Variants in DCPS observed in about 807,000 individuals in gnomAD.
The protein encoded by DCPS is decapping enzyme, scavenger.
Under a neutral mutation model 34.7 loss-of-function variants are expected in DCPS, and 27 were observed. The observed-to-expected ratio is 0.78, with a 90% CI of 0.57 to 1.07. The LOEUF (loss-of-function observed/expected upper bound fraction) is 1.07, where lower values mean the gene tolerates loss of function less well. DCPS is among the 50% of genes least tolerant of loss of function. The pLI, the probability that DCPS is intolerant of heterozygous loss-of-function variation, is 0.00. For missense variants in DCPS, 464 were observed against 436.9 expected (o/e 1.06, Z -0.55); for synonymous variants, 185 against 185.7 (o/e 1.00, Z 0.03).
At chr11:126,306,425 T>G in intron 1 of DCPS, 145 bp from the exon 2 acceptor site, 1 of 803,804 alleles carries the variant, frequency 1.2e-6, no homozygotes, top group Non-Finnish European at 1.8e-6. Context: ...GTGAGTGCCA[T>G]TGGCTAGACT....
Position 126,316,234 on chromosome 11 carries a change from T to A in DCPS, c.376+9490T>A, listed in dbSNP as rs561223772. On this transcript the variant is annotated intron_variant, in intron 2 of 5. Coordinates refer to ENST00000263579, the MANE Select transcript of DCPS (RefSeq NM_014026.6). ...TTATCCAGTGTGATAATCCATTACA[T>A]CAAGCTTGTCCAACCCGCAGCCCAG... Among the ~76,000 whole-genome samples the A allele has an allele frequency of 4.6e-5, 7 of 152,204 alleles. No individual in the cohort carries two copies. In the East Asian group the frequency reaches 7.7e-4, roughly 17 times the overall value.
In DCPS at chr11:126,344,280, T is replaced by C. The variant is rs1951900000; in HGVS notation, c.747+863T>C. ...CCCTGCTGCTGGGCCCCGATCTATC[T>C]TCCCTCCTGCTCACCCACGGCACCA... On this transcript the variant is annotated intron_variant, in intron 5 of 5. Transcript: ENST00000263579. The surrounding 1 kb of genome is among the most constrained non-coding windows in gnomAD (Gnocchi z 8.1). Among the ~76,000 whole-genome samples, 1 of 152,192 alleles carries C rather than the reference T, an allele frequency of 6.6e-6. No individual in the cohort carries two copies. The highest frequency in any genetic ancestry group is 2.1e-4 in the South Asian group (1 of 4,836).
chr11:126,317,653 C>T (rs1951672387), intron 2 of DCPS, among the ~76,000 whole-genome samples: 1 of 152,212 alleles, frequency 6.6e-6, no homozygotes, highest in African/African-American at 2.4e-5. Flanking sequence ...ACCCGTGCCC[C>T]TTTCAGAGTG....
Position 126,332,256 on chromosome 11 carries a change from G to A in DCPS, c.522+706G>A, listed in dbSNP as rs893181468. Among the ~76,000 whole-genome samples, 21 of 152,330 alleles carry A rather than the reference G, an allele frequency of 1.4e-4. No individual in the cohort carries two copies. The highest frequency in any genetic ancestry group is 4.1e-4 in the African/African-American group (17 of 41,576). On this transcript the variant is annotated intron_variant, in intron 3 of 5. Coordinates refer to ENST00000263579, the MANE Select transcript of DCPS (RefSeq NM_014026.6). The surrounding 1 kb of genome is among the most constrained non-coding windows in gnomAD (Gnocchi z 5.4). ...GGACTCCATTCACAAGCTGGCAGTC[G>A]TCTGGCCAGGCCAGATGCAAGGCCA...
chr11:126,308,055 G>A (rs1186063094), intron 2 of DCPS, among the ~76,000 whole-genome samples: 2 of 152,180 alleles, frequency 1.3e-5, no homozygotes, highest in Non-Finnish European at 2.9e-5. Flanking sequence ...AGGGGGATGG[G>A]AGAGAAGGGC....
rs913430155 is a variant in DCPS, at chr11:126,331,705, G to A, written c.522+155G>A. On this transcript the variant is annotated intron_variant, in intron 3 of 5. Transcript: ENST00000263579. The surrounding 1 kb of genome is among the most constrained non-coding windows in gnomAD (Gnocchi z 7.2). ...GCATGGCGGACAGAATCCCCACCTC[G>A]TGCAGCTTACATCCCATGCACAGTC... Among the ~76,000 whole-genome samples, 2 of 152,264 alleles carry A rather than the reference G, an allele frequency of 1.3e-5. No homozygotes were observed. Among genetic ancestry groups the A allele is most frequent in the Admixed American group, 1.3e-4 (2 of 15,288 alleles).
chr11:126,316,957 C>CTT lies in DCPS; in HGVS notation c.376+10231_376+10232dup, dbSNP rs71048779. 7.5e-4 allele frequency among the ~76,000 whole-genome samples: 70 copies of CTT among 93,190 alleles called. 1 individual carries two copies. The highest frequency in any genetic ancestry group is 0.011 in the Middle Eastern group (1 of 92). 61.1% of individuals were successfully genotyped at this position (93,190 alleles called of 152,430 possible). ...AGGTGTGACCCACCATGCCCGGCCT[C>CTT]TTTTTTTTTTTTTTTTTTTGAGATG... is the stretch of plus-strand genomic sequence containing the variant. On this transcript the variant is annotated intron_variant, in intron 2 of 5. Transcript: ENST00000263579.
rs1411455945 is a variant in DCPS at position 126,331,656 on chromosome 11, G to A, written c.522+106G>A. ...TTAGGGGCCAGGCGCTGTGCTGGGCGAGGGGATGGGGGTACAGTAGAGAGC... is the reference window on the plus strand; with the variant it reads ...TTAGGGGCCAGGCGCTGTGCTGGGCAAGGGGATGGGGGTACAGTAGAGAGC... On this transcript the variant is annotated intron_variant, in intron 3 of 5. Coordinates refer to ENST00000263579, the MANE Select transcript of DCPS (RefSeq NM_014026.6). This position sits in a 1 kb window ranked among gnomAD's most constrained non-coding sequence, Gnocchi z 7.2. 15 of 1,399,536 alleles carry A rather than the reference G, an allele frequency of 1.1e-5. No homozygotes were observed. The highest frequency in any genetic ancestry group is 2.7e-5 in the South Asian group (2 of 75,368). The allele number at this position is 1,399,536 out of a possible 1,614,324, so 86.7% of individuals were successfully genotyped here.
rs772776014 is a variant in DCPS, at chr11:126,338,304, G to A, written c.541G>A (p.Asp181Asn). The A allele has an allele frequency of 5.8e-5, 93 of 1,614,008 alleles. No individual in the cohort carries two copies. The highest frequency in any genetic ancestry group is 7.3e-5 in the Non-Finnish European group (86 of 1,180,038). The part of the protein sequence containing the change: ...LSIQWVYNIL[D>N]KKAEADRIVF... ...CTTTCAGTGGGTGTATAACATTCTC[G>A]ACAAGAAGGCTGAAGCGGACCGGAT... Residue 181 changes from aspartate (D) to asparagine (N), a missense_variant, in exon 4 of 6, where the codon GAC (aspartate) becomes AAC (asparagine). Asp to Asn is a conservative substitution (Grantham distance 23). Coordinates refer to ENST00000263579, the MANE Select transcript of DCPS (RefSeq NM_014026.6). This position sits in a 1 kb window ranked among gnomAD's most constrained non-coding sequence, Gnocchi z 5.4.
chr11:126,348,643 C>T lies in DCPS; in HGVS notation c.*3030C>T, dbSNP rs568714705. Among the ~76,000 whole-genome samples the T allele has an allele frequency of 6.6e-6, 1 of 152,322 alleles. No homozygotes were observed. The highest frequency in any genetic ancestry group is 1.9e-4 in the East Asian group (1 of 5,182). ...ATTAGGGTGACCTTCATATCAGACT[C>T]CCAGGTAACTCAAGATGATAGCTTT... On this transcript the variant is annotated 3_prime_UTR_variant, in exon 6 of 6. Coordinates refer to ENST00000263579, the MANE Select transcript of DCPS (RefSeq NM_014026.6). This position sits in a 1 kb window ranked among gnomAD's most constrained non-coding sequence, Gnocchi z 5.3.
Position 126,332,982 on chromosome 11 carries a change from C to G in DCPS, c.522+1432C>G, listed in dbSNP as rs944118513. 6.6e-6 allele frequency among the ~76,000 whole-genome samples: 1 copy of G among 152,132 alleles called. No homozygotes were observed. On this transcript the variant is annotated intron_variant, in intron 3 of 5. Transcript: ENST00000263579. This position sits in a 1 kb window ranked among gnomAD's most constrained non-coding sequence, Gnocchi z 5.4. Reference sequence around the variant, plus strand: ...TGGTTGGTGTGAGTAGCTGGGATTACAGGTGCTTGCCACCATGCCTGGCTA... The same window carrying G: ...TGGTTGGTGTGAGTAGCTGGGATTAGAGGTGCTTGCCACCATGCCTGGCTA...
rs1349021287 is a variant in DCPS at position 126,331,305 on chromosome 11, G to A, written c.377-100G>A. 1 of 1,530,342 alleles carries A rather than the reference G, an allele frequency of 6.5e-7. No homozygotes were observed. Among genetic ancestry groups the A allele is most frequent in the African/African-American group, 1.4e-5 (1 of 72,506 alleles). The allele number at this position is 1,530,342 out of a possible 1,614,324, so 94.8% of individuals were successfully genotyped here. A position where few individuals can be genotyped will look rare whatever the true frequency, so the allele number is the denominator to read the frequency against. ...CCTCTTGGATTTTGGCTTCCCTCAG[G>A]GAATCAAAGCCAGGGTGGGAGTTCT... On this transcript the variant is annotated intron_variant, in intron 2 of 5. Transcript: ENST00000263579. This position sits in a 1 kb window ranked among gnomAD's most constrained non-coding sequence, Gnocchi z 7.2.
At position 126,338,127 on chromosome 11, in the gene DCPS, G is replaced by A. The variant is rs1951847203; in HGVS notation, c.523-159G>A. On this transcript the variant is annotated intron_variant, in intron 3 of 5. Transcript: ENST00000263579. The surrounding 1 kb of genome is among the most constrained non-coding windows in gnomAD (Gnocchi z 5.4). The stretch of plus-strand genomic sequence containing the variant: ...TGGACCCCTAAGAACAGATGCTTGG[G>A]GACAGGGCAGCCCGGATGTAGATCC... 3.1e-6 allele frequency: 2 copies of A among 654,506 alleles called. No individual in the cohort carries two copies. Among genetic ancestry groups the A allele is most frequent in the South Asian group, 3.7e-5 (2 of 53,748 alleles). The allele number at this position is 654,506 out of a possible 1,614,324, so 40.5% of individuals were successfully genotyped here. A position where few individuals can be genotyped will look rare whatever the true frequency, so the allele number is the denominator to read the frequency against.
At chr11:126,318,396 C>T (rs1057069594) in intron 2 of DCPS, among the ~76,000 whole-genome samples, 1 of 152,184 alleles carries the variant, frequency 6.6e-6, no homozygotes, top group Non-Finnish European at 1.5e-5. Context: ...GACTTAAGAT[C>T]CACGGCAGCC....
Position 126,334,937 on chromosome 11 carries a change from C to A in DCPS, c.523-3349C>A, listed in dbSNP as rs1951818977. Among the ~76,000 whole-genome samples, 1 of 152,218 alleles carries A rather than the reference C, an allele frequency of 6.6e-6. No homozygotes were observed. The highest frequency in any genetic ancestry group is 1.5e-5 in the Non-Finnish European group (1 of 68,042). ...CGTGACATTGTCCTTAATTTCGGAG[C>A]CCTGGTTTCCTTGTCTGAAAAATGT... On this transcript the variant is annotated intron_variant, in intron 3 of 5. Coordinates refer to ENST00000263579, the MANE Select transcript of DCPS (RefSeq NM_014026.6). The surrounding 1 kb of genome is among the most constrained non-coding windows in gnomAD (Gnocchi z 5.5).
Position 126,347,373 on chromosome 11 carries a change from G to A in DCPS, c.*1760G>A, listed in dbSNP as rs763653785. On this transcript the variant is annotated 3_prime_UTR_variant, in exon 6 of 6. Coordinates refer to ENST00000263579, the MANE Select transcript of DCPS (RefSeq NM_014026.6). This position sits in a 1 kb window ranked among gnomAD's most constrained non-coding sequence, Gnocchi z 4.2. Reference sequence around the variant, plus strand: ...TGAGTAGCTGGGACTACAGGGGTGCGCCCCCATGCCCAGCTAATTTTTGTA... The same window carrying A: ...TGAGTAGCTGGGACTACAGGGGTGCACCCCCATGCCCAGCTAATTTTTGTA... 7.9e-5 allele frequency among the ~76,000 whole-genome samples: 12 copies of A among 152,086 alleles called. No homozygotes were observed. Among genetic ancestry groups the A allele is most frequent in the Admixed American group, 2.6e-4 (4 of 15,280 alleles).
At chr11:126,316,310 G>A (rs1318415229) in intron 2 of DCPS, among the ~76,000 whole-genome samples, 1 of 151,504 alleles carries the variant, frequency 6.6e-6, no homozygotes, top group African/African-American at 2.4e-5. Context: ...CTTAAAACAT[G>A]AGATTTTTTC....
chr11:126,304,230 G>C lies in DCPS; in HGVS notation c.150G>C (p.Gln50His). 3.7e-6 allele frequency: 6 copies of C among 1,614,260 alleles called. No homozygotes were observed. Among genetic ancestry groups the C allele is most frequent in the Non-Finnish European group, 5.1e-6 (6 of 1,180,048 alleles). The change falls in exon 1 of 6, where the codon CAG becomes CAC. Residue 50 changes from glutamine to histidine, a missense_variant. Physicochemically the swap from Gln to His is conservative, Grantham distance 24 (BLOSUM62 0). Transcript: ENST00000263579. ...TACCGTTCTCCGGCTTCAGACTGCAGAAGGTGCTGAGGGAGTCTGCGCGGG... is the reference window on the plus strand; with the variant it reads ...TACCGTTCTCCGGCTTCAGACTGCACAAGGTGCTGAGGGAGTCTGCGCGGG... The part of the protein sequence containing the change: ...VRLPFSGFRL[Q>H]KVLRESARDK...
Position 126,345,462 on chromosome 11 carries a change from C to T in DCPS, c.863C>T (p.Pro288Leu). The T allele has an allele frequency of 6.2e-7, 1 of 1,614,178 alleles. No individual in the cohort carries two copies. The highest frequency in any genetic ancestry group is 1.3e-5 in the African/African-American group (1 of 75,062). Residue 288 changes from proline (P) to leucine (L), a missense_variant, in exon 6 of 6, where the codon CCC (proline) becomes CTC (leucine). By Grantham distance (98) the Pro-to-Leu change is moderately conservative (BLOSUM62 -3). Coordinates refer to ENST00000263579, the MANE Select transcript of DCPS (RefSeq NM_014026.6). The surrounding 1 kb of genome is among the most constrained non-coding windows in gnomAD (Gnocchi z 7.4). ...TTCACCGCCCTGGGCTTCGAGGCCC[C>T]CGGCTCAGGCGTGGAGCGGGCCCAC... ...VHFTALGFEAPGSGVERAHLL... is the reference protein window; with the variant it reads ...VHFTALGFEALGSGVERAHLL...
Sources: allele counts gnomAD v4.1 joint callset (sites outside exome capture counted in the v4.1 genomes callset), GRCh38; gene constraint gnomAD v4.1.1; non-coding constraint Gnocchi (gnomAD v3.1); transcripts MANE v1.5; gene names NCBI Gene and HGNC (gene_info 2026-07-23, HGNC 2026-07-21).